The following ADGRL2 variants were observed in gnomAD, a reference collection of about 807,000 sequenced individuals.
ADGRL2 encodes the protein calcium-independent alpha-latrotoxin receptor 2.
Under a neutral mutation model 157.4 loss-of-function variants are expected in ADGRL2, and 44 were observed. That is an observed-to-expected ratio of 0.28 (90% CI 0.22 to 0.36). The LOEUF (loss-of-function observed/expected upper bound fraction) is 0.36. Ranked by LOEUF, ADGRL2 falls within the 10% of genes least tolerant of loss-of-function variation. The pLI is 1.00. For missense variants in ADGRL2, 1,510 were observed against 1,768.9 expected, an observed-to-expected ratio of 0.85 and a Z score of 2.63; for synonymous variants, 585 against 624.7, an observed-to-expected ratio of 0.94 and a Z score of 0.95.
intron 1 of ADGRL2, among the ~76,000 whole-genome samples, chr1:81,711,082 A>T (rs2083912230): frequency 6.6e-6 from 1 of 152,202 alleles, no homozygotes; most frequent in Non-Finnish European, 1.5e-5. Flanking sequence ...TTTTAAAAGG[A>T]ATCACCACTG....
At position 81,614,991 on chromosome 1, in the gene ADGRL2, C is replaced by T. The variant is rs375740274; in HGVS notation, c.-143+34011C>T. 8.1e-4 allele frequency among the ~76,000 whole-genome samples: 123 copies of T among 152,062 alleles called. 1 individual carries two copies. Among genetic ancestry groups the T allele is most frequent in the African/African-American group, 2.4e-3 (98 of 41,490 alleles). On this transcript the variant is annotated intron_variant, in intron 3 of 24. Coordinates refer to the ADGRL2 transcript ENST00000370721. Reference sequence around the variant, plus strand: ...TCACACCATTGCACTCCAGCCTGAGCGACAGAGTGAGACCATGTATCAAAA... The same window carrying T: ...TCACACCATTGCACTCCAGCCTGAGTGACAGAGTGAGACCATGTATCAAAA...
chr1:81,660,016 T>C (rs1233151835), intron 3 of ADGRL2, among the ~76,000 whole-genome samples: 1 of 152,170 alleles, frequency 6.6e-6, no homozygotes, highest in Non-Finnish European at 1.5e-5. Context: ...CACTATTTCA[T>C]ATTGATTTTT....
At chr1:81,643,406 G>C (rs141907995) in intron 3 of ADGRL2, among the ~76,000 whole-genome samples, 1 of 152,086 alleles carries the variant, frequency 6.6e-6, no homozygotes, top group Admixed American at 6.5e-5. Context: ...TTGAACTCCT[G>C]GGCTCAAGCA....
chr1:81,801,004 G>C lies in ADGRL2; in HGVS notation c.-165G>C, dbSNP rs1375513501. Among the ~76,000 whole-genome samples, 2 of 150,602 alleles carry C rather than the reference G, an allele frequency of 1.3e-5. No individual in the cohort carries two copies. The highest frequency in any genetic ancestry group is 3.0e-5 in the Non-Finnish European group (2 of 67,580). ...CTGCGGCCGCCCCGCCGGCGGAGCC[G>C]GGGCCGGCCTGGTCCTCGGGCGGCT... On this transcript the variant is annotated 5_prime_UTR_variant, in exon 1 of 24. Coordinates refer to ENST00000686636, the MANE Select transcript of ADGRL2 (RefSeq NM_001366006.2).
intron 2 of ADGRL2, among the ~76,000 whole-genome samples, chr1:81,522,970 C>T (rs2079358687): frequency 6.6e-6 from 1 of 151,922 alleles, no homozygotes; most frequent in Admixed American, 6.6e-5. Flanking sequence ...AGTTTCCAAA[C>T]TATGTAATTC....
intron 2 of ADGRL2, among the ~76,000 whole-genome samples, chr1:81,845,298 G>C (rs1289150013): frequency 6.6e-6 from 1 of 151,868 alleles, no homozygotes; most frequent in African/African-American, 2.4e-5. Flanking sequence ...TCAAGTATAA[G>C]TAAAATACAT....
chr1:81,607,162 G>A (rs2081451244), intron 3 of ADGRL2, among the ~76,000 whole-genome samples: 1 of 152,092 alleles, frequency 6.6e-6, no homozygotes, highest in Non-Finnish European at 1.5e-5. Context: ...ATGACTGTTA[G>A]TATACATATG....
At position 81,526,994 on chromosome 1, in the gene ADGRL2, T is replaced by C. The variant is rs573987958; in HGVS notation, c.-247-53882T>C. 2.0e-5 allele frequency among the ~76,000 whole-genome samples: 3 copies of C among 152,344 alleles called. No individual in the cohort carries two copies. The East Asian group carries it at 5.8e-4, about 29-fold the overall frequency. Reference sequence around the variant, plus strand: ...TTTCTCTGGCTATCAGGTTAATGGATCTGTTTGGGTGGTATTAAAATCAAA... The same window carrying C: ...TTTCTCTGGCTATCAGGTTAATGGACCTGTTTGGGTGGTATTAAAATCAAA... On this transcript the variant is annotated intron_variant, in intron 2 of 24. Coordinates refer to the ADGRL2 transcript ENST00000370721.
chr1:81,483,010 A>AT (rs1229613698), intron 2 of ADGRL2, among the ~76,000 whole-genome samples: 2 of 151,942 alleles, frequency 1.3e-5, no homozygotes, highest in African/African-American at 4.8e-5. Context: ...TTATGGAGCT[A>AT]TTTTTTTATT....
At position 81,946,417 on chromosome 1, in the gene ADGRL2, A is replaced by G. The variant is rs139133723; in HGVS notation, c.1210+2648A>G. Among the ~76,000 whole-genome samples the G allele has an allele frequency of 5.8e-3, 864 of 148,536 alleles. 7 individuals are homozygous for G. The highest frequency in any genetic ancestry group is 0.021 in the African/African-American group (828 of 40,024). ...TTCATTTGCTCCACTCCCCTAAACG[A>G]GGTCTGTTTTTCCTGTTTCACCTTC... On this transcript the variant is annotated intron_variant, in intron 6 of 23. Transcript: ENST00000686636.
chr1:81,664,227 G>T (rs540950973), intron 3 of ADGRL2, among the ~76,000 whole-genome samples: 2 of 151,988 alleles, frequency 1.3e-5, no homozygotes, highest in African/African-American at 4.8e-5. Flanking sequence ...GAAAAGATAA[G>T]TATTTTCTGT....
intron 3 of ADGRL2, among the ~76,000 whole-genome samples, chr1:81,592,936 G>A (rs1453729548): frequency 6.6e-6 from 1 of 152,108 alleles, no homozygotes; most frequent in Non-Finnish European, 1.5e-5. Context: ...AGCTGGGTAT[G>A]GGTACTTTCC....
chr1:81,648,478 T>C (rs909620341), intron 3 of ADGRL2, among the ~76,000 whole-genome samples: 2 of 152,166 alleles, frequency 1.3e-5, no homozygotes, highest in Non-Finnish European at 2.9e-5. Context: ...TCCTCTCTGT[T>C]TACTGCAGCA....
At chr1:81,829,268 G>C (rs1049169817) in intron 1 of ADGRL2, among the ~76,000 whole-genome samples, 2 of 152,150 alleles carry the variant, frequency 1.3e-5, no homozygotes, top group Admixed American at 1.3e-4. Flanking sequence ...GGAAGCCAAA[G>C]AATCTATTCT....
intron 2 of ADGRL2, among the ~76,000 whole-genome samples, chr1:81,473,589 T>C (rs2078214846): frequency 6.6e-6 from 1 of 152,250 alleles, no homozygotes; most frequent in South Asian, 2.1e-4. Context: ...ATTATATTTC[T>C]ACTGAACTGC....
chr1:81,369,005 A>G (rs1463748091), intron 1 of ADGRL2, among the ~76,000 whole-genome samples: 9 of 152,166 alleles, frequency 5.9e-5, no homozygotes, highest in African/African-American at 2.2e-4. Context: ...TTCCATTATT[A>G]TATCTAATAT....
At chr1:81,847,387 T>C (rs1160375925) in intron 2 of ADGRL2, among the ~76,000 whole-genome samples, 1 of 151,960 alleles carries the variant, frequency 6.6e-6, no homozygotes, top group Non-Finnish European at 1.5e-5. Context: ...ATAATGTCTG[T>C]ATTAGGGAGT....
chr1:81,836,821 A>G, intron 1 of ADGRL2, 64 bp from the exon 2 acceptor site: 3 of 490,006 alleles, frequency 6.1e-6, no homozygotes, highest in Non-Finnish European at 1.1e-5. Flanking sequence ...AGGAACGGAG[A>G]GAGAGAATTG....
chr1:81,839,896 T>TATATATATA (rs1553165942), intron 2 of ADGRL2, among the ~76,000 whole-genome samples: 4 of 123,546 alleles, frequency 3.2e-5, no homozygotes, highest in East Asian at 4.8e-4. Flanking sequence ...TTCCATCATA[T>TATATATATA]ATATATATAT....
Sources: allele counts gnomAD v4.1 joint callset (sites outside exome capture counted in the v4.1 genomes callset), GRCh38; gene constraint gnomAD v4.1.1; transcripts MANE v1.5; gene names NCBI Gene and HGNC (gene_info 2026-07-23, HGNC 2026-07-21).